Variants in PREX2 observed in about 807,000 individuals in gnomAD.
PREX2 encodes the protein phosphatidylinositol 3,4,5-trisphosphate-dependent Rac exchanger 2 protein.
Under a neutral mutation model 203.2 loss-of-function variants are expected in PREX2, and 107 were observed. The ratio of observed to expected loss-of-function variants is 0.53; its 90% confidence interval spans 0.45 to 0.62. The LOEUF (loss-of-function observed/expected upper bound fraction) is 0.62, where lower values mean the gene tolerates loss of function less well. Ranked by LOEUF, PREX2 falls within the 20% of genes least tolerant of loss-of-function variation. PREX2 has a pLI of 0.00. For synonymous variants in PREX2, 672 were observed against 663.6 expected, an observed-to-expected ratio of 1.01 and a Z score of -0.19; for missense variants, 1,777 against 1,955.9, an observed-to-expected ratio of 0.91 and a Z score of 1.72.
intron 1 of PREX2, among the ~76,000 whole-genome samples, chr8:67,979,778 A>T (rs930667683): frequency 2.6e-5 from 4 of 151,652 alleles, no homozygotes; most frequent in East Asian, 1.9e-4. Flanking sequence ...GCATGCTTTT[A>T]AAAAAAATAC....
At chr8:68,187,443 T>C (rs181383639) in intron 35 of PREX2, among the ~76,000 whole-genome samples, 12 of 152,346 alleles carry the variant, frequency 7.9e-5, no homozygotes. Flanking sequence ...CCACTGTGTG[T>C]ACTTGAGTTA....
intron 8 of PREX2, among the ~76,000 whole-genome samples, chr8:68,047,470 TA>T (rs1563516826): frequency 3.3e-3 from 3 of 912 alleles, no homozygotes; most frequent in South Asian, 0.071. Flanking sequence ...TGGATGAATT[TA>T]TATATATATA....
At chr8:68,098,665 C>T (rs1408497738) in intron 22 of PREX2, among the ~76,000 whole-genome samples, 2 of 151,552 alleles carry the variant, frequency 1.3e-5, no homozygotes, top group Non-Finnish European at 2.9e-5. Context: ...ACAAATATCA[C>T]TTGGATTTTA....
intron 20 of PREX2, among the ~76,000 whole-genome samples, chr8:68,091,142 A>G (rs1809861687): frequency 1.3e-5 from 2 of 152,190 alleles, no homozygotes; most frequent in Admixed American, 1.3e-4. Context: ...TGGGTTTTAT[A>G]AGGTCCATGA....
intron 38 of PREX2, among the ~76,000 whole-genome samples, chr8:68,221,883 A>T (rs1006048151): frequency 6.6e-6 from 1 of 152,234 alleles, no homozygotes; most frequent in African/African-American, 2.4e-5. Flanking sequence ...TATTTTTCAT[A>T]GGGTATGATT....
At chr8:68,163,901 C>T (rs1811699953) in intron 35 of PREX2, among the ~76,000 whole-genome samples, 2 of 152,122 alleles carry the variant, frequency 1.3e-5, no homozygotes, top group Admixed American at 6.6e-5. Flanking sequence ...TGCAGTTCTG[C>T]CAGTGACTCT....
At chr8:68,192,776 A>G (rs1812324071) in intron 37 of PREX2, 2 of 379,320 alleles carry the variant, frequency 5.3e-6, no homozygotes, top group Non-Finnish European at 4.7e-6. Context: ...ATTTATATTA[A>G]CATACTTACA....
At chr8:67,988,366 G>A (rs1806497612) in intron 1 of PREX2, among the ~76,000 whole-genome samples, 1 of 152,200 alleles carries the variant, frequency 6.6e-6, no homozygotes, top group Admixed American at 6.5e-5. Flanking sequence ...TGCTCCCTGA[G>A]TCAGGTGAGC....
chr8:68,207,976 G>A (rs1224806465), intron 37 of PREX2, among the ~76,000 whole-genome samples: 1 of 152,150 alleles, frequency 6.6e-6, no homozygotes, highest in Non-Finnish European at 1.5e-5. Context: ...TGGAGTAGAA[G>A]TGAGGAAAAC....
In PREX2 at chr8:68,017,834, T is replaced by A. The variant is rs758886588; in HGVS notation, c.142-12T>A. The A allele has an allele frequency of 6.2e-7, 1 of 1,608,936 alleles. No individual in the cohort carries two copies. On this transcript the variant is annotated splice_polypyrimidine_tract_variant and intron_variant, in intron 1 of 39. Coordinates refer to ENST00000288368, the MANE Select transcript of PREX2 (RefSeq NM_024870.4). Reference sequence around the variant, plus strand: ...TAATGTTACCTTCATAATGTCTTCTTGTTTCATGCAGGCATTCTTACACAG... The same window carrying A: ...TAATGTTACCTTCATAATGTCTTCTAGTTTCATGCAGGCATTCTTACACAG...
intron 31 of PREX2, among the ~76,000 whole-genome samples, chr8:68,131,122 T>G (rs1811001609): frequency 6.6e-6 from 1 of 152,200 alleles, no homozygotes; most frequent in African/African-American, 2.4e-5. Context: ...CTTTCAGATA[T>G]GTTGTTTTAA....
At chr8:68,033,512 A>T (rs962874542) in intron 6 of PREX2, among the ~76,000 whole-genome samples, 7 of 152,194 alleles carry the variant, frequency 4.6e-5, no homozygotes, top group Non-Finnish European at 8.8e-5. Context: ...ACAGAAACTA[A>T]AAGAAAAATT....
At chr8:68,104,793 G>A (rs894639687) in intron 23 of PREX2, among the ~76,000 whole-genome samples, 4 of 152,162 alleles carry the variant, frequency 2.6e-5, no homozygotes, top group Non-Finnish European at 5.9e-5. Flanking sequence ...TGCACAGAGA[G>A]CCTTCCACAA....
At chr8:68,171,158 C>A (rs894238039) in intron 35 of PREX2, among the ~76,000 whole-genome samples, 31 of 152,124 alleles carry the variant, frequency 2.0e-4, no homozygotes, top group African/African-American at 6.5e-4. Context: ...TTTGGCATAT[C>A]TGAATGTAAA....
At chr8:68,052,869 G>A (rs1421586803) in intron 8 of PREX2, among the ~76,000 whole-genome samples, 2 of 152,178 alleles carry the variant, frequency 1.3e-5, no homozygotes, top group South Asian at 2.1e-4. Context: ...TTCATGTAAT[G>A]TATTAACACT....
intron 37 of PREX2, 150 bp from the exon 38 acceptor site, chr8:68,217,466 C>T: frequency 1.7e-6 from 1 of 593,992 alleles, no homozygotes; most frequent in Non-Finnish European, 3.0e-6. Context: ...TATTTTTAAA[C>T]TGGTATTTTA....
At chr8:68,161,494 A>G (rs1811652701) in intron 35 of PREX2, among the ~76,000 whole-genome samples, 1 of 152,096 alleles carries the variant, frequency 6.6e-6, no homozygotes. Flanking sequence ...TTTTAATATT[A>G]ATGTTAAGTT....
At chr8:68,151,157 A>G (rs528988130) in intron 34 of PREX2, among the ~76,000 whole-genome samples, 54 of 152,044 alleles carry the variant, frequency 3.6e-4, no homozygotes, top group Non-Finnish European at 6.8e-4. Context: ...GTGATGGCTC[A>G]CACTTGTAAT....
chr8:68,138,734 T>C (rs1375131140), intron 33 of PREX2, among the ~76,000 whole-genome samples: 1 of 152,190 alleles, frequency 6.6e-6, no homozygotes, highest in African/African-American at 2.4e-5. Flanking sequence ...GTCCATATCT[T>C]TTACTTTCTG....
Sources: gnomAD v4.1 joint callset for allele counts (sites outside exome capture counted in the v4.1 genomes callset) on GRCh38, gnomAD v4.1.1 for gene constraint, MANE v1.5 for transcripts, NCBI Gene and HGNC (gene_info 2026-07-23, HGNC 2026-07-21) for gene names.